Variants in SPRED1 observed in about 807,000 individuals in gnomAD.
SPRED1 encodes sprouty related EVH1 domain containing 1, also known as sprouty-related, EVH1 domain-containing protein 1.
SPRED1 carries 18 observed loss-of-function variants against 52.3 expected under a neutral mutation model. That is an observed-to-expected ratio of 0.34 (90% CI 0.24 to 0.51). The LOEUF (loss-of-function observed/expected upper bound fraction) is 0.51, where lower values mean the gene tolerates loss of function less well. SPRED1 is among the 20% of genes least tolerant of loss of function. The pLI is 0.97. For missense variants in SPRED1, 485 were observed against 551.0 expected (o/e 0.88, Z 1.20); for synonymous variants, 155 against 179.7 (o/e 0.86, Z 1.10).
At chr15:38,263,776 A>G (rs948217639) in intron 1 of SPRED1, among the ~76,000 whole-genome samples, 5 of 152,198 alleles carry the variant, frequency 3.3e-5, no homozygotes, top group Non-Finnish European at 5.9e-5. Flanking sequence ...TGGGCCACCT[A>G]TAAAATACAC....
At chr15:38,325,111 G>T (rs1391393809) in intron 4 of SPRED1, among the ~76,000 whole-genome samples, 1 of 151,994 alleles carries the variant, frequency 6.6e-6, no homozygotes, top group Admixed American at 6.6e-5. Flanking sequence ...GGGATCATAG[G>T]CCTGAGCCAC....
At chr15:38,304,335 A>G (rs1895208415) in intron 2 of SPRED1, among the ~76,000 whole-genome samples, 1 of 152,174 alleles carries the variant, frequency 6.6e-6, no homozygotes, top group Non-Finnish European at 1.5e-5. Context: ...GTGGTCCTCC[A>G]CTAAAAACCA....
chr15:38,344,306 T>C (rs961781872), intron 5 of SPRED1, among the ~76,000 whole-genome samples: 4 of 152,196 alleles, frequency 2.6e-5, no homozygotes, highest in African/African-American at 7.2e-5. Flanking sequence ...AGGGATGTTA[T>C]GATATACCAG....
chr15:38,339,953 G>A lies in SPRED1; in HGVS notation c.582+58G>A, dbSNP rs894877232. 4.2e-5 allele frequency: 67 copies of A among 1,603,008 alleles called. No individual in the cohort carries two copies. The East Asian group carries it at 1.2e-3, about 30-fold the overall frequency. Reference sequence around the variant, plus strand: ...TTTATATGTGTAGAAATTGAATGATGTCATAGATAAGGACGTTAAAACCAT... The same window carrying A: ...TTTATATGTGTAGAAATTGAATGATATCATAGATAAGGACGTTAAAACCAT... On this transcript the variant is annotated intron_variant, in intron 5 of 6. Transcript: ENST00000299084.
intron 1 of SPRED1, chr15:38,283,550 A>ATATT: frequency 1.0e-6 from 1 of 959,876 alleles, no homozygotes; most frequent in Non-Finnish European, 1.2e-6. Context: ...CTATGAGCTT[A>ATATT]TATTTAGACA....
chr15:38,263,056 A>G (rs754634427), intron 1 of SPRED1, among the ~76,000 whole-genome samples: 1 of 152,220 alleles, frequency 6.6e-6, no homozygotes, highest in Non-Finnish European at 1.5e-5. Context: ...GTAGTAAGAC[A>G]ACAAAACAGA....
intron 1 of SPRED1, among the ~76,000 whole-genome samples, chr15:38,257,338 A>G (rs1044894725): frequency 1.4e-4 from 21 of 152,170 alleles, no homozygotes; most frequent in African/African-American, 5.1e-4. Flanking sequence ...GAATTAATGG[A>G]GCCTCATTAC....
chr15:38,259,543 G>C (rs1894164370), intron 1 of SPRED1, among the ~76,000 whole-genome samples: 1 of 152,166 alleles, frequency 6.6e-6, no homozygotes, highest in African/African-American at 2.4e-5. Context: ...ACCATGCACA[G>C]CCCTCATTTT....
rs202192533 is a variant in SPRED1, at chr15:38,253,229, A to T, written c.32+12A>T. 6.4e-7 allele frequency: 1 copy of T among 1,567,516 alleles called. No homozygotes were observed. The highest frequency in any genetic ancestry group is 8.7e-7 in the Non-Finnish European group (1 of 1,155,012). ...ACTTCTGACAACGAGTAAGCGCCTC[A>T]TTGATCTCGATTGCTAATCCCCCTC... On this transcript the variant is annotated intron_variant, in intron 1 of 6. Transcript: ENST00000299084.
intron 2 of SPRED1, among the ~76,000 whole-genome samples, chr15:38,317,211 A>G (rs1479258868): frequency 6.6e-6 from 1 of 151,980 alleles, no homozygotes; most frequent in African/African-American, 2.4e-5. Flanking sequence ...ATATATTCCA[A>G]TAGACTGAAT....
intron 2 of SPRED1, among the ~76,000 whole-genome samples, chr15:38,305,301 C>T (rs542108201): frequency 4.0e-5 from 6 of 149,648 alleles, no homozygotes; most frequent in Non-Finnish European, 7.4e-5. Context: ...CATTGCACTC[C>T]AGCTTGGGTA....
intron 2 of SPRED1, among the ~76,000 whole-genome samples, chr15:38,321,399 C>T (rs936241391): frequency 1.3e-5 from 2 of 152,082 alleles, no homozygotes; most frequent in African/African-American, 2.4e-5. Context: ...TCATTCCACT[C>T]TAAGCTCTGG....
chr15:38,283,779 T>C (rs1894746406), intron 1 of SPRED1, among the ~76,000 whole-genome samples: 1 of 152,138 alleles, frequency 6.6e-6, no homozygotes, highest in African/African-American at 2.4e-5. Context: ...ATCTGTAATT[T>C]GGGGATAATA....
In SPRED1 at chr15:38,295,678, CAGTA is replaced by C. The variant is rs143745869; in HGVS notation, c.33-3692_33-3689del. ...TTATGTTTAACATATTAACTAATAA[CAGTA>C]AGAGGGATAGGGGATAGATAGAATT... is the stretch of plus-strand genomic sequence containing the variant. On this transcript the variant is annotated intron_variant, in intron 1 of 6. Coordinates refer to ENST00000299084, the MANE Select transcript of SPRED1 (RefSeq NM_152594.3). Among the ~76,000 whole-genome samples the C allele has an allele frequency of 8.4e-3, 1,273 of 152,138 alleles. 17 individuals are homozygous for C. The highest frequency in any genetic ancestry group is 0.029 in the African/African-American group (1,200 of 41,504).
In SPRED1 at chr15:38,266,255, A is replaced by G. The variant is rs142843212; in HGVS notation, c.32+13038A>G. Among the ~76,000 whole-genome samples, 1,234 of 152,340 alleles carry G rather than the reference A, an allele frequency of 8.1e-3. 17 individuals carry two copies. The highest frequency in any genetic ancestry group is 0.028 in the African/African-American group (1,177 of 41,568). ...CTTAAAAATATGATGAAGAATGCACATACTTTTTCTCTTGATGAAGGTTAT... is the reference window on the plus strand; with the variant it reads ...CTTAAAAATATGATGAAGAATGCACGTACTTTTTCTCTTGATGAAGGTTAT... On this transcript the variant is annotated intron_variant, in intron 1 of 6. Coordinates refer to ENST00000299084, the MANE Select transcript of SPRED1 (RefSeq NM_152594.3).
intron 4 of SPRED1, chr15:38,326,064 G>A (rs1349828179): frequency 6.6e-6 from 1 of 152,182 alleles, no homozygotes. Flanking sequence ...GCGAGTTTTA[G>A]TGAAGTTCCG....
chr15:38,316,748 G>GGTTTTTTTTTTTTTT lies in SPRED1; in HGVS notation c.208-5493_208-5492insGTTTTTTTTTTTTTT. ...TCTAGTTTACAATTTTCCATTATAT[G>GGTTTTTTTTTTTTTT]TTTTTTTTTTTTTTTTTTTTTTTTG... is the stretch of plus-strand genomic sequence containing the variant. On this transcript the variant is annotated intron_variant, in intron 2 of 6. Coordinates refer to ENST00000299084, the MANE Select transcript of SPRED1 (RefSeq NM_152594.3). Among the ~76,000 whole-genome samples the GGTTTTTTTTTTTTTT allele has an allele frequency of 1.4e-3, 57 of 41,916 alleles. 5 individuals carry two copies. Among genetic ancestry groups the GGTTTTTTTTTTTTTT allele is most frequent in the East Asian group, 3.1e-3 (2 of 654 alleles). 27.5% of individuals were successfully genotyped at this position (41,916 alleles called of 152,430 possible).
At position 38,355,803 on chromosome 15, in the gene SPRED1, A is replaced by G. The variant is rs1888605634; in HGVS notation, c.*4139A>G. 6.6e-6 allele frequency: 1 copy of G among 152,100 alleles called. No homozygotes were observed. The highest frequency in any genetic ancestry group is 2.1e-4 in the South Asian group (1 of 4,836). 9.4% of individuals were successfully genotyped at this position (152,100 alleles called of 1,614,324 possible). A position where few individuals can be genotyped will look rare whatever the true frequency, so the allele number is the denominator to read the frequency against. The stretch of plus-strand genomic sequence containing the variant: ...AGAGGAAGCACTAGAAACTGGCATT[A>G]TTGTTGCACTAAAAAAGTCTATAAA... On this transcript the variant is annotated 3_prime_UTR_variant, in exon 7 of 7. Coordinates refer to ENST00000299084, the MANE Select transcript of SPRED1 (RefSeq NM_152594.3).
chr15:38,348,559 A>G (rs1417137390), intron 5 of SPRED1, among the ~76,000 whole-genome samples: 4 of 152,186 alleles, frequency 2.6e-5, no homozygotes, highest in Admixed American at 6.5e-5. Context: ...ATGTGCTTTT[A>G]TACTATTTGA....
Sources: allele counts gnomAD v4.1 joint callset (sites outside exome capture counted in the v4.1 genomes callset), GRCh38; gene constraint gnomAD v4.1.1; transcripts MANE v1.5; gene names NCBI Gene and HGNC (gene_info 2026-07-23, HGNC 2026-07-21).